The following PAMR1 variants were observed in gnomAD, a reference collection of about 807,000 sequenced individuals.
PAMR1 encodes the protein peptidase domain containing associated with muscle regeneration 1.
Under a neutral mutation model 81.8 loss-of-function variants are expected in PAMR1, and 88 were observed. The observed-to-expected ratio is 1.08, with a 90% CI of 0.91 to 1.28. The LOEUF (loss-of-function observed/expected upper bound fraction) is 1.28. Ranked by LOEUF, PAMR1 falls within the 50% of genes most tolerant of loss-of-function variation. The pLI is 0.00. For synonymous variants in PAMR1, 336 were observed against 345.3 expected, an observed-to-expected ratio of 0.97 and a Z score of 0.30; for missense variants, 935 against 919.7, an observed-to-expected ratio of 1.02 and a Z score of -0.21.
At chr11:35,470,398 G>A (rs998071647) in intron 5 of PAMR1, among the ~76,000 whole-genome samples, 4 of 152,150 alleles carry the variant, frequency 2.6e-5, no homozygotes, top group African/African-American at 4.8e-5. Context: ...TTTGTATAAG[G>A]GAGATCATTC....
chr11:35,446,572 T>C (rs1050029640), intron 6 of PAMR1, among the ~76,000 whole-genome samples: 2 of 152,226 alleles, frequency 1.3e-5, no homozygotes, highest in Non-Finnish European at 2.9e-5. Context: ...ACTTCTTGAT[T>C]TCTGCCTTAA....
In PAMR1 at chr11:35,441,619, G is replaced by A; in HGVS notation, c.895C>T (p.Leu299Phe). ...ATTTTAGCATGGCGTCCGTTGATAA[G>A]CCCAGGGCCCCCTGTTATTTTCTGG... ...GYQKITGGPG[L>F]INGRHAKIGT... The change falls in exon 7 of 11, where the codon CTT (leucine) becomes TTT (phenylalanine). Residue 299 changes from leucine (L) to phenylalanine (F), a missense_variant. Leu to Phe is a conservative substitution (Grantham distance 22). Coordinates refer to ENST00000619888, the MANE Select transcript of PAMR1 (RefSeq NM_001001991.3). 2 of 1,613,990 alleles carry A rather than the reference G, an allele frequency of 1.2e-6. No homozygotes were observed. Among genetic ancestry groups the A allele is most frequent in the Non-Finnish European group, 8.5e-7 (1 of 1,179,882 alleles).
chr11:35,439,966 A>G (rs1148935), intron 7 of PAMR1, among the ~76,000 whole-genome samples: 42,755 of 152,162 alleles, frequency 0.28, 6,114 homozygotes, highest in Admixed American at 0.34. Flanking sequence ...CAATGGCATC[A>G]TAGATTAGGA....
At chr11:35,509,902 A>C (rs1380635730) in intron 1 of PAMR1, among the ~76,000 whole-genome samples, 1 of 152,214 alleles carries the variant, frequency 6.6e-6, no homozygotes, top group East Asian at 1.9e-4. Context: ...AGCCTTATGA[A>C]AGCTGCAAAT....
chr11:35,501,586 A>C (rs1366474887), intron 1 of PAMR1, among the ~76,000 whole-genome samples: 1 of 151,438 alleles, frequency 6.6e-6, no homozygotes, highest in Non-Finnish European at 1.5e-5. Context: ...TTTACTTTTT[A>C]AACTTATTTC....
chr11:35,526,425 T>G (rs550533273), upstream of PAMR1, among the ~76,000 whole-genome samples: 1 of 152,328 alleles, frequency 6.6e-6, no homozygotes, highest in Admixed American at 6.5e-5. Context: ...GGGCTCAGTT[T>G]AGGTACAAGA....
intron 9 of PAMR1, among the ~76,000 whole-genome samples, chr11:35,435,461 G>A (rs553035058): frequency 4.2e-4 from 64 of 152,088 alleles, no homozygotes; most frequent in African/African-American, 1.4e-3. Flanking sequence ...ACCCACCTTG[G>A]GCTCCCAAAA....
In PAMR1 at chr11:35,519,553, A is replaced by G. The variant is rs139221701; in HGVS notation, c.73+5960T>C. Among the ~76,000 whole-genome samples, 24 of 152,374 alleles carry G rather than the reference A, an allele frequency of 1.6e-4. No individual in the cohort carries two copies. The East Asian group carries it at 4.0e-3, about 26-fold the overall frequency. ...CTCTCATGTCTACTGGGAGCAAGGT[A>G]CATGACACCATGGACAGCTGTCCCA... On this transcript the variant is annotated intron_variant, in intron 1 of 10. Transcript: ENST00000619888.
chr11:35,494,599 C>T (rs2135402341), intron 1 of PAMR1, among the ~76,000 whole-genome samples: 1 of 152,234 alleles, frequency 6.6e-6, no homozygotes, highest in South Asian at 2.1e-4. Flanking sequence ...TCCCAAAGTG[C>T]TGGGATTCCA....
At chr11:35,485,141 G>A (rs1047763589) in intron 3 of PAMR1, among the ~76,000 whole-genome samples, 1 of 152,160 alleles carries the variant, frequency 6.6e-6, no homozygotes, top group African/African-American at 2.4e-5. Flanking sequence ...AGGGTCAGGG[G>A]TAGAATGCAA....
chr11:35,518,755 A>G (rs577177347), intron 1 of PAMR1, among the ~76,000 whole-genome samples: 1 of 152,198 alleles, frequency 6.6e-6, no homozygotes, highest in South Asian at 2.1e-4. Context: ...TTTGATTTCA[A>G]GCAAAACAAC....
chr11:35,506,891 A>G (rs1390162355), intron 1 of PAMR1, among the ~76,000 whole-genome samples: 4 of 145,628 alleles, frequency 2.7e-5, no homozygotes, highest in Non-Finnish European at 6.0e-5. Flanking sequence ...TTTTTTTTTG[A>G]ATAAGCTTTC....
At chr11:35,475,046 C>T (rs577711468) in intron 3 of PAMR1, among the ~76,000 whole-genome samples, 1 of 152,152 alleles carries the variant, frequency 6.6e-6, no homozygotes, top group Middle Eastern at 3.2e-3. Context: ...CGCTAAGTGA[C>T]GGAGCAAAGA....
intron 4 of PAMR1, among the ~76,000 whole-genome samples, chr11:35,471,284 A>G (rs1013831598): frequency 1.3e-5 from 2 of 152,166 alleles, no homozygotes; most frequent in Non-Finnish European, 2.9e-5. Context: ...TTGTGTGTCT[A>G]TGTGTGGCCT....
At chr11:35,492,822 A>G (rs1156379051) in intron 2 of PAMR1, among the ~76,000 whole-genome samples, 1 of 152,220 alleles carries the variant, frequency 6.6e-6, no homozygotes, top group African/African-American at 2.4e-5. Context: ...TGATTCCCCA[A>G]CAAGGACCAG....
At chr11:35,472,427 C>T (rs751297758) in intron 4 of PAMR1, among the ~76,000 whole-genome samples, 3 of 152,316 alleles carry the variant, frequency 2.0e-5, no homozygotes, top group Middle Eastern at 3.4e-3. Flanking sequence ...CATAGCAGTG[C>T]CCCAGCTACC....
intron 1 of PAMR1, among the ~76,000 whole-genome samples, chr11:35,514,818 C>T (rs1200246948): frequency 2.0e-5 from 3 of 152,012 alleles, no homozygotes; most frequent in South Asian, 2.1e-4. Flanking sequence ...AACCCACCCC[C>T]GCACCACACC....
At chr11:35,442,542 G>A (rs1055205209) in intron 6 of PAMR1, among the ~76,000 whole-genome samples, 1 of 151,736 alleles carries the variant, frequency 6.6e-6, no homozygotes, top group African/African-American at 2.4e-5. Flanking sequence ...ACTTGATTTG[G>A]GTACCAATCA....
chr11:35,500,029 G>A (rs1315603440), intron 1 of PAMR1, among the ~76,000 whole-genome samples: 2 of 152,210 alleles, frequency 1.3e-5, no homozygotes, highest in South Asian at 2.1e-4. Context: ...ACCCAAGGAG[G>A]CAGGCAGGCA....
Sources: gnomAD v4.1 joint callset for allele counts (sites outside exome capture counted in the v4.1 genomes callset) on GRCh38, gnomAD v4.1.1 for gene constraint, MANE v1.5 for transcripts, NCBI Gene and HGNC (gene_info 2026-07-23, HGNC 2026-07-21) for gene names.